The following FRMD4A variants were observed in gnomAD, a reference collection of about 807,000 sequenced individuals.
FRMD4A encodes the protein FERM domain containing 4A, also known as FERM domain-containing protein 4A.
In FRMD4A, 29 loss-of-function variants were observed where a neutral mutation model predicts 129.1. The observed-to-expected ratio is 0.22, with a 90% CI of 0.17 to 0.31. The LOEUF (loss-of-function observed/expected upper bound fraction) is 0.31. FRMD4A is among the 10% of genes least tolerant of loss of function. The pLI is 1.00. For missense variants in FRMD4A, 1,272 were observed against 1,375.8 expected (o/e 0.92, Z 1.19); for synonymous variants, 634 against 571.6 (o/e 1.11, Z -1.56).
chr10:14,216,065 G>A (rs888587044), intron 2 of FRMD4A, among the ~76,000 whole-genome samples: 1 of 152,118 alleles, frequency 6.6e-6, no homozygotes. Flanking sequence ...GGCACCTAAG[G>A]CCATGTTGTG....
At chr10:14,126,359 C>T (rs1349791698) in intron 2 of FRMD4A, among the ~76,000 whole-genome samples, 1 of 151,952 alleles carries the variant, frequency 6.6e-6, no homozygotes, top group East Asian at 1.9e-4. Flanking sequence ...TTAGTAGAGA[C>T]GGGGTTTCAT....
intron 2 of FRMD4A, among the ~76,000 whole-genome samples, chr10:13,884,581 C>T (rs1589156985): frequency 6.6e-6 from 1 of 152,186 alleles, no homozygotes; most frequent in African/African-American, 2.4e-5. Flanking sequence ...GGGTCAAAGG[C>T]AAAGTCATCT....
intron 12 of FRMD4A, among the ~76,000 whole-genome samples, chr10:13,734,882 ATTTATTTT>A (rs2090544662): frequency 9.6e-6 from 1 of 104,300 alleles, no homozygotes; most frequent in Admixed American, 1.0e-4. Context: ...TTATTTATTT[ATTTATTTT>A]TGAGATGGAA....
At chr10:14,042,689 G>T (rs536391289) in intron 2 of FRMD4A, among the ~76,000 whole-genome samples, 1 of 151,946 alleles carries the variant, frequency 6.6e-6, no homozygotes, top group African/African-American at 2.4e-5. Flanking sequence ...ACAGGCCGGC[G>T]CAGTGGCTCA....
In FRMD4A at chr10:13,771,729, G is replaced by A. The variant is rs532936996; in HGVS notation, c.385-9049C>T. On this transcript the variant is annotated intron_variant, in intron 6 of 24. Coordinates refer to ENST00000357447, the MANE Select transcript of FRMD4A (RefSeq NM_018027.5). ...TCCTGTTTCTTTGGTTATCACTGCTGGGGAAGGTTAGTGCTTTTAGACGAA... is the reference window on the plus strand; with the variant it reads ...TCCTGTTTCTTTGGTTATCACTGCTAGGGAAGGTTAGTGCTTTTAGACGAA... Among the ~76,000 whole-genome samples the A allele has an allele frequency of 2.6e-5, 4 of 152,224 alleles. No individual in the cohort carries two copies. In the East Asian group the frequency reaches 7.7e-4, roughly 29 times the overall value.
chr10:13,702,353 C>T (rs1056923087), intron 13 of FRMD4A, among the ~76,000 whole-genome samples: 6 of 152,164 alleles, frequency 3.9e-5, no homozygotes, highest in South Asian at 2.1e-4. Context: ...CATGAGCCAC[C>T]GCACCTGGCC....
chr10:13,964,082 A>G (rs1289095799), intron 2 of FRMD4A, among the ~76,000 whole-genome samples: 1 of 151,566 alleles, frequency 6.6e-6, no homozygotes, highest in Non-Finnish European at 1.5e-5. Flanking sequence ...AGAACCAGAG[A>G]GGAGAGGACC....
At chr10:14,058,668 G>A (rs1039066366) in intron 2 of FRMD4A, among the ~76,000 whole-genome samples, 9 of 152,214 alleles carry the variant, frequency 5.9e-5, no homozygotes, top group Admixed American at 5.9e-4. Context: ...TGACCAGAGG[G>A]AGGTTGGCTG....
chr10:13,816,779 G>A (rs1045671128), intron 3 of FRMD4A, among the ~76,000 whole-genome samples: 8 of 152,272 alleles, frequency 5.3e-5, no homozygotes, highest in East Asian at 3.9e-4. Context: ...TGCAGGGATC[G>A]GACTGGGAGC....
intron 2 of FRMD4A, among the ~76,000 whole-genome samples, chr10:14,119,958 C>G (rs1344763837): frequency 6.7e-6 from 1 of 149,294 alleles, no homozygotes; most frequent in African/African-American, 2.5e-5. Flanking sequence ...TGCAGACTTA[C>G]AAAGGACACT....
chr10:14,056,199 T>C (rs1834521529), intron 2 of FRMD4A, among the ~76,000 whole-genome samples: 1 of 151,892 alleles, frequency 6.6e-6, no homozygotes, highest in Non-Finnish European at 1.5e-5. Context: ...ACCTGGCTGG[T>C]TTTTGTATTT....
intron 4 of FRMD4A, among the ~76,000 whole-genome samples, chr10:13,809,929 A>G (rs1463017452): frequency 2.0e-5 from 3 of 152,202 alleles, no homozygotes; most frequent in African/African-American, 7.2e-5. Context: ...TCACTGGCCC[A>G]TGTGGATGCC....
chr10:13,974,846 G>A (rs1219829896), intron 2 of FRMD4A, among the ~76,000 whole-genome samples: 1 of 152,150 alleles, frequency 6.6e-6, no homozygotes, highest in Admixed American at 6.5e-5. Context: ...CCTTTAAATC[G>A]CTAATTCAGA....
intron 2 of FRMD4A, among the ~76,000 whole-genome samples, chr10:13,906,305 C>G (rs563887543): frequency 6.6e-6 from 1 of 152,222 alleles, no homozygotes; most frequent in South Asian, 2.1e-4. Context: ...CTTTCCTGCC[C>G]AAAGACACAG....
intron 2 of FRMD4A, among the ~76,000 whole-genome samples, chr10:14,218,858 G>A (rs1843155800): frequency 1.3e-5 from 2 of 149,654 alleles, no homozygotes; most frequent in African/African-American, 4.9e-5. Flanking sequence ...GGGAGGCTGA[G>A]GCAGGAGGAT....
At chr10:13,966,050 C>T (rs950567767) in intron 2 of FRMD4A, among the ~76,000 whole-genome samples, 2 of 151,996 alleles carry the variant, frequency 1.3e-5, no homozygotes, top group African/African-American at 4.8e-5. Context: ...ACTCTTGTTG[C>T]CCAGATTGGA....
intron 2 of FRMD4A, among the ~76,000 whole-genome samples, chr10:14,275,865 C>T (rs1218352): frequency 0.083 from 12,651 of 151,996 alleles, 1,242 homozygotes; most frequent in African/African-American, 0.23. Context: ...ACAGCAAGAC[C>T]CCATCTCTAC....
At chr10:14,162,641 G>GTTTTTT (rs71388160) in intron 2 of FRMD4A, among the ~76,000 whole-genome samples, 36 of 118,332 alleles carry the variant, frequency 3.0e-4, no homozygotes, top group Non-Finnish European at 4.2e-4. Flanking sequence ...TTTTTTTTTT[G>GTTTTTT]TTTTTTTTTT....
At chr10:14,144,642 C>T (rs567534137) in intron 2 of FRMD4A, among the ~76,000 whole-genome samples, 70 of 152,234 alleles carry the variant, frequency 4.6e-4, no homozygotes, top group African/African-American at 1.6e-3. Flanking sequence ...TTGTGTCACT[C>T]AGAAGGGTGA....
Sources: allele counts gnomAD v4.1 joint callset (sites outside exome capture counted in the v4.1 genomes callset), GRCh38; gene constraint gnomAD v4.1.1; transcripts MANE v1.5; gene names NCBI Gene and HGNC (gene_info 2026-07-23, HGNC 2026-07-21).